Variants in MPP7 observed in about 807,000 individuals in gnomAD.
The protein encoded by MPP7 is MAGUK p55 subfamily member 7.
In MPP7, 60 loss-of-function variants were observed where a neutral mutation model predicts 76.5. That is an observed-to-expected ratio of 0.78 (90% CI 0.64 to 0.97). The LOEUF (loss-of-function observed/expected upper bound fraction) is 0.97. Ranked by LOEUF, MPP7 falls within the 50% of genes least tolerant of loss-of-function variation. The pLI, the probability that MPP7 is intolerant of heterozygous loss-of-function variation, is 0.00. For missense variants in MPP7, 641 were observed against 694.0 expected (o/e 0.92, Z 0.86); for synonymous variants, 237 against 244.5 (o/e 0.97, Z 0.29).
intron 2 of MPP7, among the ~76,000 whole-genome samples, chr10:28,223,923 C>CG (rs1372041959): frequency 6.6e-6 from 1 of 150,918 alleles, no homozygotes; most frequent in African/African-American, 2.4e-5. Context: ...TGGCCAGGTG[C>CG]GGTGGCTCAC....
At chr10:28,244,511 A>C (rs1346644015) in intron 1 of MPP7, among the ~76,000 whole-genome samples, 2 of 152,180 alleles carry the variant, frequency 1.3e-5, no homozygotes, top group Non-Finnish European at 2.9e-5. Context: ...GTTTTCAAGA[A>C]AAAAAGATTA....
intron 12 of MPP7, among the ~76,000 whole-genome samples, chr10:28,071,725 C>A (rs539225661): frequency 6.6e-6 from 1 of 152,214 alleles, no homozygotes. Flanking sequence ...GAAAACCTAA[C>A]CAAGTCAGAT....
intron 2 of MPP7, among the ~76,000 whole-genome samples, chr10:28,226,612 T>C (rs1053893872): frequency 6.6e-6 from 1 of 152,174 alleles, no homozygotes; most frequent in Non-Finnish European, 1.5e-5. Context: ...AGGAAGCAGA[T>C]AGTGGTGATG....
Position 28,125,053 on chromosome 10 carries a change from G to T in MPP7, c.486C>A (p.Ile162=). 2 of 1,613,990 alleles carry T rather than the reference G, an allele frequency of 1.2e-6. No individual in the cohort carries two copies. The highest frequency in any genetic ancestry group is 1.7e-6 in the Non-Finnish European group (2 of 1,179,954). Residue 162 remains isoleucine, a synonymous_variant, in exon 7 of 17, where the codon ATC becomes ATA. Transcript: ENST00000683449. ...CTCCTCTCATGATTCTGGCCACAAT[G>T]ATCGCCCCGGTCTGTTCATCCTTCT... ...TIKKDEQTGA[I]IVARIMRGGA...
At chr10:28,242,137 T>C (rs1020583169) in intron 1 of MPP7, among the ~76,000 whole-genome samples, 24 of 152,200 alleles carry the variant, frequency 1.6e-4, no homozygotes, top group African/African-American at 5.8e-4. Flanking sequence ...TTCAAATACA[T>C]TTCCTCTAAA....
intron 1 of MPP7, among the ~76,000 whole-genome samples, chr10:28,275,326 A>G (rs1036274365): frequency 5.3e-5 from 8 of 152,138 alleles, no homozygotes; most frequent in Non-Finnish European, 1.0e-4. Flanking sequence ...CCAAGGCAGA[A>G]ATCTTAGATG....
intron 1 of MPP7, among the ~76,000 whole-genome samples, chr10:28,300,619 G>T (rs956939647): frequency 7.9e-5 from 12 of 152,048 alleles, no homozygotes; most frequent in African/African-American, 2.9e-4. Context: ...TGAAACAGAG[G>T]TATTAGCCAC....
intron 11 of MPP7, among the ~76,000 whole-genome samples, chr10:28,110,606 G>A (rs974246305): frequency 1.3e-5 from 2 of 152,246 alleles, no homozygotes; most frequent in Admixed American, 6.5e-5. Context: ...TTCTTTTAAA[G>A]AACTGATAAA....
intron 3 of MPP7, among the ~76,000 whole-genome samples, chr10:28,178,155 A>T (rs1836938599): frequency 6.6e-6 from 1 of 152,078 alleles, no homozygotes; most frequent in Non-Finnish European, 1.5e-5. Flanking sequence ...CTATCGCAGG[A>T]TGTTCAGCAG....
At chr10:28,245,260 GC>G in intron 1 of MPP7, among the ~76,000 whole-genome samples, 1 of 152,020 alleles carries the variant, frequency 6.6e-6, no homozygotes, top group Non-Finnish European at 1.5e-5. Context: ...CATTCCACTG[GC>G]ATTCCCTTAA....
At chr10:28,069,930 A>T (rs1852157963) in intron 12 of MPP7, 78 bp from the exon 13 acceptor site, 1 of 1,034,988 alleles carries the variant, frequency 9.7e-7, no homozygotes, top group African/African-American at 1.6e-5. Flanking sequence ...TGAGTCTCTA[A>T]GACAGACTGA....
intron 3 of MPP7, among the ~76,000 whole-genome samples, chr10:28,168,502 A>G (rs1321195639): frequency 6.6e-6 from 1 of 151,816 alleles, no homozygotes; most frequent in Admixed American, 6.6e-5. Context: ...AAGTCGAAAG[A>G]TATTCTTTTA....
chr10:28,059,257 G>A (rs1588707975), intron 14 of MPP7, among the ~76,000 whole-genome samples: 1 of 152,162 alleles, frequency 6.6e-6, no homozygotes, highest in East Asian at 1.9e-4. Flanking sequence ...AAGAGCCAAT[G>A]AGAGAATGAG....
intron 1 of MPP7, among the ~76,000 whole-genome samples, chr10:28,268,651 G>A (rs1840222386): frequency 6.6e-6 from 1 of 151,316 alleles, no homozygotes; most frequent in South Asian, 2.1e-4. Flanking sequence ...AGAATCATTT[G>A]AACATGAGAG....
chr10:28,164,063 G>A (rs1836360412), intron 3 of MPP7, among the ~76,000 whole-genome samples: 1 of 152,220 alleles, frequency 6.6e-6, no homozygotes, highest in South Asian at 2.1e-4. Flanking sequence ...CCCACGTGGA[G>A]AAGTGGGACA....
chr10:28,189,273 T>C (rs1242101119), intron 3 of MPP7, among the ~76,000 whole-genome samples: 1 of 151,880 alleles, frequency 6.6e-6, no homozygotes, highest in African/African-American at 2.4e-5. Flanking sequence ...TATCTGAAAA[T>C]AGACCTAGGT....
At chr10:28,056,334 T>C (rs567483327) in intron 16 of MPP7, 146 bp downstream of exon 16, 2 of 788,668 alleles carry the variant, frequency 2.5e-6, no homozygotes, top group South Asian at 3.3e-5. Context: ...AATTTCCATA[T>C]TTTTTGTAGA....
intron 15 of MPP7, among the ~76,000 whole-genome samples, chr10:28,058,174 C>CA (rs1296348936): frequency 1.3e-5 from 2 of 152,182 alleles, no homozygotes; most frequent in Admixed American, 1.3e-4. Context: ...ATGCATGTAA[C>CA]AATGTGATGT....
intron 1 of MPP7, among the ~76,000 whole-genome samples, chr10:28,266,509 G>T (rs1264337638): frequency 1.3e-5 from 2 of 152,100 alleles, no homozygotes; most frequent in African/African-American, 4.8e-5. Flanking sequence ...GTTGGAGGCT[G>T]CAGTGAGCTA....
Sources: gnomAD v4.1 joint callset for allele counts (sites outside exome capture counted in the v4.1 genomes callset) on GRCh38, gnomAD v4.1.1 for gene constraint, MANE v1.5 for transcripts, NCBI Gene and HGNC (gene_info 2026-07-23, HGNC 2026-07-21) for gene names.